The following RAB3GAP2 variants were observed in gnomAD, a reference collection of about 807,000 sequenced individuals.
RAB3GAP2 encodes the protein rab3 GTPase-activating protein non-catalytic subunit.
A neutral mutation model predicts 185.3 loss-of-function variants in RAB3GAP2; 87 were observed. The observed-to-expected ratio is 0.47, with a 90% CI of 0.39 to 0.56. The LOEUF is 0.56. RAB3GAP2 is among the 20% of genes least tolerant of loss of function. The pLI is 0.00. For synonymous variants in RAB3GAP2, 554 were observed against 576.1 expected (o/e 0.96, Z 0.55); for missense variants, 1,492 against 1,638.2 (o/e 0.91, Z 1.54).
Position 220,194,991 on chromosome 1 carries a change from A to G in RAB3GAP2, c.1130+87T>C, listed in dbSNP as rs1658695919. 10 of 1,314,222 alleles carry G rather than the reference A, an allele frequency of 7.6e-6. No homozygotes were observed. The South Asian group carries it at 1.2e-4, about 16-fold the overall frequency. 81.4% of individuals were successfully genotyped at this position (1,314,222 alleles called of 1,614,324 possible). A position where few individuals can be genotyped will look rare whatever the true frequency, so the allele number is the denominator to read the frequency against. On this transcript the variant is annotated intron_variant, in intron 12 of 34. Coordinates refer to ENST00000358951, the MANE Select transcript of RAB3GAP2 (RefSeq NM_012414.4). The stretch of plus-strand genomic sequence containing the variant: ...TTTCAGAAGTTCCAAAGACAAGATC[A>G]GCAAATCAACCAAGCACACGGAAAG...
At chr1:220,222,935 A>C (rs1029235236) in intron 2 of RAB3GAP2, among the ~76,000 whole-genome samples, 6 of 152,328 alleles carry the variant, frequency 3.9e-5, no homozygotes, top group African/African-American at 1.4e-4. Context: ...AACATGTGTC[A>C]AATGTATTTT....
intron 27 of RAB3GAP2, among the ~76,000 whole-genome samples, chr1:220,164,406 T>G (rs1658024267): frequency 6.6e-6 from 1 of 151,264 alleles, no homozygotes; most frequent in Non-Finnish European, 1.5e-5. Flanking sequence ...TGCCCCTTTA[T>G]AAATAGCACT....
chr1:220,153,154 G>T, intron 33 of RAB3GAP2, 31 bp downstream of exon 33: 1 of 1,505,112 alleles, frequency 6.6e-7, no homozygotes, highest in Non-Finnish European at 9.2e-7. Flanking sequence ...TATAACTTGA[G>T]CCCAATTAAC....
intron 2 of RAB3GAP2, among the ~76,000 whole-genome samples, chr1:220,225,184 A>G (rs963547212): frequency 1.2e-4 from 18 of 152,210 alleles, no homozygotes; most frequent in African/African-American, 4.1e-4. Flanking sequence ...AAGCCTAGAC[A>G]ACTTGTTGCT....
At position 220,167,650 on chromosome 1, in the gene RAB3GAP2, C is replaced by G; in HGVS notation, c.2832G>C (p.Lys944Asn). Reference protein sequence around the residue: ...GKGGIADSVAKWIFKQDFSPE... With the variant: ...GKGGIADSVANWIFKQDFSPE... The stretch of plus-strand genomic sequence containing the variant: ...GGCTGAAGTCCTGTTTAAATATCCA[C>G]TTGGCTACACTGTCTGCAATGCCAC... The change falls in exon 25 of 35, where the codon AAG becomes AAC. Residue 944 changes from lysine to asparagine, a missense_variant. Transcript: ENST00000358951. 2 of 1,614,026 alleles carry G rather than the reference C, an allele frequency of 1.2e-6. No homozygotes were observed. The highest frequency in any genetic ancestry group is 1.3e-5 in the African/African-American group (1 of 75,050).
At chr1:220,271,623 C>A (rs888834084) in intron 1 of RAB3GAP2, among the ~76,000 whole-genome samples, 2 of 152,088 alleles carry the variant, frequency 1.3e-5, no homozygotes, top group African/African-American at 2.4e-5. Context: ...TTGAGAGAGT[C>A]TTACCTCAAG....
At chr1:220,202,212 T>G in intron 9 of RAB3GAP2, 64 bp downstream of exon 9, 14 of 1,526,606 alleles carry the variant, frequency 9.2e-6, no homozygotes, top group African/African-American at 1.4e-5. Flanking sequence ...TTCTAATAAA[T>G]GAGATACTTC....
intron 1 of RAB3GAP2, among the ~76,000 whole-genome samples, chr1:220,269,736 T>C (rs1396265547): frequency 2.6e-5 from 4 of 151,832 alleles, no homozygotes; most frequent in African/African-American, 9.7e-5. Flanking sequence ...AAAAAGGCAA[T>C]GTTGTGATCT....
rs773602971 is a variant in RAB3GAP2, at chr1:220,151,356, T to A, written c.4077A>T (p.Lys1359Asn). 20 of 1,614,040 alleles carry A rather than the reference T, an allele frequency of 1.2e-5. No homozygotes were observed. The highest frequency in any genetic ancestry group is 1.6e-5 in the Non-Finnish European group (19 of 1,180,028). Residue 1359 changes from lysine (K) to asparagine (N), a missense_variant, in exon 35 of 35, where the codon AAA becomes AAT. Physicochemically the swap from Lys to Asn is moderately conservative, Grantham distance 94 (BLOSUM62 0). This residue lies in a region of RAB3GAP2 where 387 missense variants were observed against 455.3 expected (regional missense o/e 0.85). Transcript: ENST00000358951. ...NTEVPIATTA[K>N]LVNKVIELLP... ...AAAGCTCAATTACTTTATTTACTAGTTTAGCTGTTGTTGCAATTGGCACTT... is the reference window on the plus strand; with the variant it reads ...AAAGCTCAATTACTTTATTTACTAGATTAGCTGTTGTTGCAATTGGCACTT...
chr1:220,267,661 G>A lies in RAB3GAP2; in HGVS notation c.115+4562C>T. On this transcript the variant is annotated intron_variant, in intron 1 of 34. Coordinates refer to ENST00000358951, the MANE Select transcript of RAB3GAP2 (RefSeq NM_012414.4). ...TTATTCAGTGGCCTGGAGGCAGGAT[G>A]AGGTACACTGGTTGCCTGCAATTGC... is the stretch of plus-strand genomic sequence containing the variant. 7.4e-6 allele frequency: 11 copies of A among 1,492,218 alleles called. No homozygotes were observed. In the South Asian group the frequency reaches 1.1e-4, roughly 15 times the overall value. 92.4% of individuals were successfully genotyped at this position (1,492,218 alleles called of 1,614,324 possible). A position where few individuals can be genotyped will look rare whatever the true frequency, so the allele number is the denominator to read the frequency against.
In RAB3GAP2 at chr1:220,151,173, C is replaced by T. The variant is rs773904586; in HGVS notation, c.*78G>A. On this transcript the variant is annotated 3_prime_UTR_variant, in exon 35 of 35. Coordinates refer to ENST00000358951, the MANE Select transcript of RAB3GAP2 (RefSeq NM_012414.4). ...AAGACATACTTTTCCCATAAAATTC[C>T]AGGTCTTACTATGTAAAATAACCAT... 7.8e-4 allele frequency: 1,090 copies of T among 1,404,336 alleles called. 7 individuals are homozygous for T. Among genetic ancestry groups the T allele is most frequent in the Non-Finnish European group, 4.7e-4 (475 of 1,014,244 alleles). The allele number at this position is 1,404,336 out of a possible 1,614,324, so 87.0% of individuals were successfully genotyped here. A position where few individuals can be genotyped will look rare whatever the true frequency, so the allele number is the denominator to read the frequency against.
chr1:220,246,742 G>A (rs1168822671), intron 1 of RAB3GAP2, among the ~76,000 whole-genome samples: 2 of 134,206 alleles, frequency 1.5e-5, no homozygotes, highest in Non-Finnish European at 3.1e-5. Flanking sequence ...GACACAGGAA[G>A]GGGAATATCA....
chr1:220,210,672 C>T, intron 6 of RAB3GAP2, 129 bp downstream of exon 6: 1 of 1,112,342 alleles, frequency 9.0e-7, no homozygotes. Context: ...ATCCCGGCCT[C>T]TACCCCCATA....
At chr1:220,226,538 G>C (rs1011003999) in intron 2 of RAB3GAP2, among the ~76,000 whole-genome samples, 1 of 151,738 alleles carries the variant, frequency 6.6e-6, no homozygotes, top group African/African-American at 2.4e-5. Flanking sequence ...CCACTATCTT[G>C]TCATCATGTC....
chr1:220,182,161 A>C (rs1287657707), intron 21 of RAB3GAP2, 96 bp downstream of exon 21: 27 of 1,575,870 alleles, frequency 1.7e-5, no homozygotes, highest in Non-Finnish European at 2.2e-5. Context: ...ATTCTGTGAT[A>C]TCCTAAAAGA....
intron 21 of RAB3GAP2, among the ~76,000 whole-genome samples, chr1:220,173,792 G>A (rs1236722116): frequency 7.2e-5 from 11 of 152,084 alleles, no homozygotes; most frequent in Non-Finnish European, 8.8e-5. Context: ...AGGCCGAGGC[G>A]GGCGGATCAC....
At chr1:220,253,966 C>T (rs938424173) in intron 1 of RAB3GAP2, 29 of 1,613,522 alleles carry the variant, frequency 1.8e-5, no homozygotes, top group Non-Finnish European at 2.5e-5. Context: ...CCCTCAGCCT[C>T]CTTGGAAGAA....
intron 21 of RAB3GAP2, among the ~76,000 whole-genome samples, chr1:220,180,650 A>T (rs1364437826): frequency 6.6e-6 from 1 of 152,222 alleles, no homozygotes; most frequent in Non-Finnish European, 1.5e-5. Context: ...TCTTTCAAAC[A>T]TTCAAAGAAG....
chr1:220,213,736 G>T lies in RAB3GAP2; in HGVS notation c.304+120C>A, dbSNP rs575381791. 311 of 943,914 alleles carry T rather than the reference G, an allele frequency of 3.3e-4. No homozygotes were observed. The African/African-American group carries it at 3.3e-3, about 10-fold the overall frequency. The allele number at this position is 943,914 out of a possible 1,614,324, so 58.5% of individuals were successfully genotyped here. On this transcript the variant is annotated intron_variant, in intron 3 of 34. Coordinates refer to ENST00000358951, the MANE Select transcript of RAB3GAP2 (RefSeq NM_012414.4). ...GGGAGGGGGCGGAGGAGGAGTTGGGGGGGGGGGGAGAGAGAGAGAAATAAA... is the reference window on the plus strand; with the variant it reads ...GGGAGGGGGCGGAGGAGGAGTTGGGTGGGGGGGGAGAGAGAGAGAAATAAA...
Sources: gnomAD v4.1 joint callset for allele counts (sites outside exome capture counted in the v4.1 genomes callset) on GRCh38, gnomAD v4.1.1 for gene constraint, gnomAD v4.1.1 regional missense constraint, MANE v1.5 for transcripts, NCBI Gene and HGNC (gene_info 2026-07-23, HGNC 2026-07-21) for gene names.